The following RAI1 variants were observed in gnomAD, a reference collection of about 807,000 sequenced individuals.
RAI1 encodes retinoic acid induced 1.
Under a neutral mutation model 123.8 loss-of-function variants are expected in RAI1, and 9 were observed. The observed-to-expected ratio is 0.07, with a 90% CI of 0.04 to 0.13. The LOEUF is 0.13. Ranked by LOEUF, RAI1 falls within the 10% of genes least tolerant of loss-of-function variation. The probability of loss-of-function intolerance (pLI) is 1.00; values close to 1 mark genes in which losing one functional copy is unlikely to be tolerated. For missense variants in RAI1, 2,256 were observed against 2,545.8 expected, an observed-to-expected ratio of 0.89 and a Z score of 2.45; for synonymous variants, 1,231 against 1,127.3, an observed-to-expected ratio of 1.09 and a Z score of -1.84.
Position 17,697,982 on chromosome 17 carries a change from C to T in RAI1, c.-149+16189C>T, listed in dbSNP as rs73981025. ...TTGCGCACTGACTGAGTTGCTGGGG[C>T]ATCTGCTTTTCCATCCGGCCCTGGG... On this transcript the variant is annotated intron_variant, in intron 1 of 5. Transcript: ENST00000353383. 6.9e-3 allele frequency among the ~76,000 whole-genome samples: 1,051 copies of T among 152,318 alleles called. 12 individuals are homozygous for T. The highest frequency in any genetic ancestry group is 0.022 in the African/African-American group (915 of 41,568).
At chr17:17,741,038 G>A (rs1037959893) in intron 2 of RAI1, among the ~76,000 whole-genome samples, 3 of 152,044 alleles carry the variant, frequency 2.0e-5, no homozygotes, top group Non-Finnish European at 4.4e-5. Flanking sequence ...CCCGCCCGCC[G>A]TCAGAGCATC....
At chr17:17,769,874 T>G (rs1353740594) in intron 2 of RAI1, among the ~76,000 whole-genome samples, 1 of 147,410 alleles carries the variant, frequency 6.8e-6, no homozygotes, top group South Asian at 2.2e-4. Flanking sequence ...ATGGGTCGGG[T>G]GGAGGGAAAT....
intron 1 of RAI1, among the ~76,000 whole-genome samples, chr17:17,695,316 C>A (rs1914985256): frequency 6.6e-6 from 1 of 152,162 alleles, no homozygotes; most frequent in Middle Eastern, 3.2e-3. Flanking sequence ...TCCCTCCAGC[C>A]CAGGAGCACA....
intron 1 of RAI1, among the ~76,000 whole-genome samples, chr17:17,699,636 G>GC (rs992643091): frequency 6.9e-6 from 1 of 145,982 alleles, no homozygotes; most frequent in Non-Finnish European, 1.5e-5. Flanking sequence ...GGCCGGGGGG[G>GC]GGGGAATCAA....
At chr17:17,694,900 G>A (rs887546220) in intron 1 of RAI1, among the ~76,000 whole-genome samples, 1 of 152,052 alleles carries the variant, frequency 6.6e-6, no homozygotes, top group African/African-American at 2.4e-5. Flanking sequence ...GGGGCTTCCA[G>A]TCCCAGCGTT....
intron 1 of RAI1, among the ~76,000 whole-genome samples, chr17:17,700,506 T>C (rs1325923082): frequency 6.6e-6 from 1 of 152,058 alleles, no homozygotes; most frequent in Non-Finnish European, 1.5e-5. Flanking sequence ...CATTAAAGCT[T>C]AATGGCTGCG....
intron 2 of RAI1, among the ~76,000 whole-genome samples, chr17:17,726,733 AAAAAG>A (rs1182330605): frequency 6.6e-6 from 1 of 152,220 alleles, no homozygotes; most frequent in Non-Finnish European, 1.5e-5. Context: ...AAGCTGAAAA[AAAAAG>A]AGAAAAATAA....
At chr17:17,716,957 G>A (rs899031103) in intron 1 of RAI1, among the ~76,000 whole-genome samples, 2 of 152,216 alleles carry the variant, frequency 1.3e-5, no homozygotes, top group African/African-American at 2.4e-5. Flanking sequence ...CCCCACCAGC[G>A]TTGGGGCTGA....
chr17:17,719,830 A>G (rs1915819300), intron 1 of RAI1, among the ~76,000 whole-genome samples: 1 of 152,134 alleles, frequency 6.6e-6, no homozygotes, highest in Admixed American at 6.5e-5. Context: ...AGTCTCTCAA[A>G]TGAGGCTGAC....
chr17:17,742,145 G>C (rs1279728829), intron 2 of RAI1, among the ~76,000 whole-genome samples: 2 of 152,242 alleles, frequency 1.3e-5, no homozygotes, highest in African/African-American at 4.8e-5. Flanking sequence ...GGCCACGGGT[G>C]ATGATATTCA....
At chr17:17,684,420 A>G (rs766488573) in intron 1 of RAI1, 1 of 151,842 alleles carries the variant, frequency 6.6e-6, no homozygotes, top group African/African-American at 2.4e-5. Flanking sequence ...GATGGGTCAT[A>G]CCCAGAATTT....
intron 2 of RAI1, among the ~76,000 whole-genome samples, chr17:17,763,402 A>G (rs890269120): frequency 1.3e-5 from 2 of 152,100 alleles, no homozygotes; most frequent in African/African-American, 4.8e-5. Context: ...GCTTGTTCCT[A>G]TGGGAAATGA....
Position 17,796,944 on chromosome 17 carries a change from C to T in RAI1, c.3996C>T (p.Ile1332=), listed in dbSNP as rs760177909. 4.3e-6 allele frequency: 7 copies of T among 1,613,642 alleles called. No homozygotes were observed. The South Asian group carries it at 5.5e-5, about 13-fold the overall frequency. The change falls in exon 3 of 6, where the codon ATC becomes ATT. Residue 1332 remains isoleucine, a synonymous_variant. Transcript: ENST00000353383. This position sits in a 1 kb window ranked among gnomAD's most constrained non-coding sequence, Gnocchi z 5.8. The stretch of plus-strand genomic sequence containing the variant: ...GCCGGGGCCTGAAGCTGGAAGCCAT[C>T]GTGCAGAAGATCACCTCGCCCAGCC... ...RKGRGLKLEA[I]VQKITSPSLK...
chr17:17,772,944 G>A (rs1282508644), intron 2 of RAI1, among the ~76,000 whole-genome samples: 1 of 152,072 alleles, frequency 6.6e-6, no homozygotes, highest in Non-Finnish European at 1.5e-5. Context: ...TGGATAGAAA[G>A]AAGGTAGGCT....
intron 2 of RAI1, among the ~76,000 whole-genome samples, chr17:17,742,415 TTGAA>T (rs367761123): frequency 2.6e-4 from 39 of 152,128 alleles, no homozygotes; most frequent in Admixed American, 5.2e-4. Context: ...AGATCTTGGT[TTGAA>T]TGAATGAATG....
At chr17:17,694,897 C>A (rs1370817985) in intron 1 of RAI1, among the ~76,000 whole-genome samples, 2 of 152,042 alleles carry the variant, frequency 1.3e-5, no homozygotes, top group Non-Finnish European at 2.9e-5. Context: ...GCGGGGGCTT[C>A]CAGTCCCAGC....
chr17:17,702,740 T>C (rs1416818523), intron 1 of RAI1, among the ~76,000 whole-genome samples: 1 of 152,238 alleles, frequency 6.6e-6, no homozygotes, highest in Non-Finnish European at 1.5e-5. Context: ...TGTGAAACTC[T>C]TGGTATCCAG....
chr17:17,760,647 G>A (rs2030652064), intron 2 of RAI1, among the ~76,000 whole-genome samples: 1 of 152,228 alleles, frequency 6.6e-6, no homozygotes, highest in Admixed American at 6.5e-5. Flanking sequence ...AGCTGCTGTG[G>A]GGCCTGGGCC....
At chr17:17,739,106 A>G (rs1182957197) in intron 2 of RAI1, among the ~76,000 whole-genome samples, 1 of 152,202 alleles carries the variant, frequency 6.6e-6, no homozygotes, top group Admixed American at 6.5e-5. Flanking sequence ...TTCAAAGTGA[A>G]GAACGGGAGT....
Sources: gnomAD v4.1 joint callset for allele counts (sites outside exome capture counted in the v4.1 genomes callset) on GRCh38, gnomAD v4.1.1 for gene constraint, Gnocchi (gnomAD v3.1) non-coding constraint, MANE v1.5 for transcripts, NCBI Gene and HGNC (gene_info 2026-07-23, HGNC 2026-07-21) for gene names.